The following ATAD3B variants were observed in gnomAD, a reference collection of about 807,000 sequenced individuals.
ATAD3B encodes ATPase family AAA domain containing 3B.
In ATAD3B, 59 loss-of-function variants were observed where a neutral mutation model predicts 70.2. That is an observed-to-expected ratio of 0.84 (90% confidence interval 0.68 to 1.04). ATAD3B has a LOEUF of 1.04. ATAD3B is among the 50% of genes least tolerant of loss of function. The pLI, the probability that ATAD3B is intolerant of heterozygous loss-of-function variation, is 0.00. For synonymous variants in ATAD3B, 423 were observed against 388.6 expected (o/e 1.09, Z -1.04); for missense variants, 961 against 913.4 (o/e 1.05, Z -0.67).
At chr1:1,479,597 C>A (rs1639792266) in intron 4 of ATAD3B, among the ~76,000 whole-genome samples, 1 of 144,798 alleles carries the variant, frequency 6.9e-6, no homozygotes, top group African/African-American at 2.6e-5. Context: ...TGCACACAGG[C>A]CTGCACATAC....
At chr1:1,507,940 G>A in the ATAD3B span, among the ~76,000 whole-genome samples, 109 of 152,338 alleles carry the variant, frequency 7.2e-4, 3 homozygotes, top group South Asian at 0.022. Context: ...CCGCGACTGG[G>A]TCTTGCCCCA....
In ATAD3B at chr1:1,478,633, G is replaced by A. The variant is rs552248797; in HGVS notation, c.283-11G>A. On this transcript the variant is annotated splice_polypyrimidine_tract_variant and intron_variant, in intron 2 of 15. Coordinates refer to ENST00000673477, the MANE Select transcript of ATAD3B (RefSeq NM_031921.6). ...GAGCAAGTGCCAGCTGGTGAGTGCT[G>A]TGCTCTGCAGGAGTATGAGGCCGCC... 1.9e-6 allele frequency: 3 copies of A among 1,548,692 alleles called. No homozygotes were observed. Among genetic ancestry groups the A allele is most frequent in the South Asian group, 2.4e-5 (2 of 83,924 alleles).
chr1:1,504,716 G>A, the ATAD3B span, among the ~76,000 whole-genome samples: 1 of 152,062 alleles, frequency 6.6e-6, no homozygotes, highest in African/African-American at 2.4e-5. Context: ...AACCACTGGG[G>A]CGTGTGTGCC....
chr1:1,482,393 C>G (rs1639964670), intron 6 of ATAD3B, 90 bp downstream of exon 6: 11 of 1,582,826 alleles, frequency 6.9e-6, no homozygotes, highest in Non-Finnish European at 8.6e-7. Context: ...TCTTCCAGGC[C>G]TGGCCGCCAT....
chr1:1,508,506 G>T, the ATAD3B span, among the ~76,000 whole-genome samples: 1 of 151,508 alleles, frequency 6.6e-6, no homozygotes, highest in South Asian at 2.1e-4. Context: ...AGGCGTCCTG[G>T]TGCCCTCCTG....
chr1:1,474,131 C>A (rs949878760), intron 1 of ATAD3B, among the ~76,000 whole-genome samples: 1 of 151,910 alleles, frequency 6.6e-6, no homozygotes, highest in Admixed American at 6.6e-5. Flanking sequence ...GCCGTCCAAC[C>A]GTCTCAGCCT....
Position 1,496,263 on chromosome 1 carries a change from C to T in ATAD3B, c.*446C>T, listed in dbSNP as rs1443390917. 2.0e-6 allele frequency: 2 copies of T among 991,228 alleles called. No homozygotes were observed. Among genetic ancestry groups the T allele is most frequent in the South Asian group, 4.7e-5 (1 of 21,496 alleles). The allele number at this position is 991,228 out of a possible 1,614,324, so 61.4% of individuals were successfully genotyped here. ...GTTTCAGGGGCGCCCTAGCGTCCTC[C>T]TGGGGTCAAAGGTGACATAAGAGGC... On this transcript the variant is annotated 3_prime_UTR_variant, in exon 16 of 16. Transcript: ENST00000673477.
At position 1,483,006 on chromosome 1, in the gene ATAD3B, A is replaced by G. The variant is rs1372364526; in HGVS notation, c.750+392A>G. 6 of 460,586 alleles carry G rather than the reference A, an allele frequency of 1.3e-5. No individual in the cohort carries two copies. The East Asian group carries it at 4.0e-4, about 31-fold the overall frequency. 28.5% of individuals were successfully genotyped at this position (460,586 alleles called of 1,614,324 possible). On this transcript the variant is annotated intron_variant, in intron 7 of 15. Coordinates refer to ENST00000673477, the MANE Select transcript of ATAD3B (RefSeq NM_031921.6). Reference sequence around the variant, plus strand: ...AGAGAATAAGACCTTGTCTCAAGAAAAAAATGGCCAGGCGGTAGTGGCTCA... The same window carrying G: ...AGAGAATAAGACCTTGTCTCAAGAAGAAAATGGCCAGGCGGTAGTGGCTCA...
rs778410435 is a variant in ATAD3B, at chr1:1,482,212, G to A, written c.589G>A (p.Ala197Thr). 62 of 1,611,024 alleles carry A rather than the reference G, an allele frequency of 3.8e-5. 1 individual carries two copies. The highest frequency in any genetic ancestry group is 3.6e-4 in the Middle Eastern group (2 of 5,564). The change falls in exon 6 of 16, where the codon GCC becomes ACC. Residue 197 changes from alanine to threonine, a missense_variant. This residue lies in a region of ATAD3B where 349 missense variants were observed against 307.5 expected (regional missense o/e 1.14). Coordinates refer to ENST00000673477, the MANE Select transcript of ATAD3B (RefSeq NM_031921.6). ...AGTGGAGACCGAGGCCCGGGCGCGC[G>A]CCAAGGCCGAGCGGGAGAATGCAGA... is the stretch of plus-strand genomic sequence containing the variant. ...LRVETEARARAKAERENADII... is the reference protein window; with the variant it reads ...LRVETEARARTKAERENADII...
At chr1:1,489,178 C>T (rs202171888) in intron 12 of ATAD3B, 26 bp from the exon 13 acceptor site, 1 of 1,613,180 alleles carries the variant, frequency 6.2e-7, no homozygotes, top group Non-Finnish European at 8.5e-7. Flanking sequence ...CTTCTGGTGC[C>T]TAAGGCTGGA....
chr1:1,495,279 A>G (rs1640723251), intron 15 of ATAD3B, among the ~76,000 whole-genome samples: 1 of 151,964 alleles, frequency 6.6e-6, no homozygotes, highest in Admixed American at 6.6e-5. Flanking sequence ...AGTGCTGAGG[A>G]CGCAGGCAGG....
At position 1,480,792 on chromosome 1, in the gene ATAD3B, A is replaced by G. The variant is rs1445478008; in HGVS notation, c.445-75A>G. On this transcript the variant is annotated intron_variant, in intron 4 of 15. Coordinates refer to ENST00000673477, the MANE Select transcript of ATAD3B (RefSeq NM_031921.6). ...TTGGAGTTCTGTGGTCCTGGGGCGGACGCAACCTCTGGATTGGTGTTGAGC... is the reference window on the plus strand; with the variant it reads ...TTGGAGTTCTGTGGTCCTGGGGCGGGCGCAACCTCTGGATTGGTGTTGAGC... 2.5e-6 allele frequency: 4 copies of G among 1,585,482 alleles called. No individual in the cohort carries two copies. In the East Asian group the frequency reaches 9.4e-5, roughly 37 times the overall value.
chr1:1,487,753 C>G, intron 11 of ATAD3B, 110 bp from the exon 12 acceptor site: 1 of 1,373,424 alleles, frequency 7.3e-7, no homozygotes, highest in Non-Finnish European at 1.0e-6. Flanking sequence ...GGGGCAGAGC[C>G]TGACCCCGTG....
intron 15 of ATAD3B, among the ~76,000 whole-genome samples, chr1:1,491,230 T>C (rs1640525895): frequency 6.6e-6 from 1 of 152,018 alleles, no homozygotes; most frequent in South Asian, 2.1e-4. Flanking sequence ...AGTGTGGGCA[T>C]GGCCATCCAG....
Position 1,477,501 on chromosome 1 carries a change from G to C in ATAD3B, c.282+151G>C, listed in dbSNP as rs181067273. ...GAGCTTGGGCGCCTCATTTCACAGAGGGAAACAAGGGGAGGTGAGAGACGC... is the reference window on the plus strand; with the variant it reads ...GAGCTTGGGCGCCTCATTTCACAGACGGAAACAAGGGGAGGTGAGAGACGC... On this transcript the variant is annotated intron_variant, in intron 2 of 15. Transcript: ENST00000673477. 1.3e-4 allele frequency: 181 copies of C among 1,350,726 alleles called. 3 individuals carry two copies. In the African/African-American group the frequency reaches 2.5e-3, roughly 19 times the overall value. 83.7% of individuals were successfully genotyped at this position (1,350,726 alleles called of 1,614,324 possible).
rs1305774671 is a variant in ATAD3B at position 1,471,789 on chromosome 1, C to T, written c.-96C>T. The T allele has an allele frequency of 2.5e-6, 3 of 1,217,844 alleles. No individual in the cohort carries two copies. Among genetic ancestry groups the T allele is most frequent in the Non-Finnish European group, 3.1e-6 (3 of 977,130 alleles). The allele number at this position is 1,217,844 out of a possible 1,614,324, so 75.4% of individuals were successfully genotyped here. ...TGTTTCGCCTGCGCAGTGGTCCTGG[C>T]CACCGGCTCGCGGCGCGTGGAGGCT... On this transcript the variant is annotated 5_prime_UTR_variant, in exon 1 of 16. Coordinates refer to ENST00000673477, the MANE Select transcript of ATAD3B (RefSeq NM_031921.6).
At chr1:1,499,920 A>C (rs1263902487), downstream of ATAD3B, among the ~76,000 whole-genome samples, 1 of 134,660 alleles carries the variant, frequency 7.4e-6, no homozygotes, top group African/African-American at 2.8e-5. Context: ...TTTGAGACAG[A>C]GTCTTGCTCT....
At chr1:1,494,582 AG>A (rs1290538756) in intron 15 of ATAD3B, among the ~76,000 whole-genome samples, 1 of 151,530 alleles carries the variant, frequency 6.6e-6, no homozygotes, top group Non-Finnish European at 1.5e-5. Context: ...GCTCTTGGCG[AG>A]GGGTGGGCGC....
intron 15 of ATAD3B, among the ~76,000 whole-genome samples, chr1:1,491,059 C>T (rs920367337): frequency 3.3e-5 from 5 of 151,928 alleles, no homozygotes; most frequent in East Asian, 1.9e-4. Flanking sequence ...GGTGGAGGGA[C>T]GTTGTGTTTC....
Sources: gnomAD v4.1 joint callset for allele counts (sites outside exome capture counted in the v4.1 genomes callset) on GRCh38, gnomAD v4.1.1 for gene constraint, gnomAD v4.1.1 regional missense constraint, MANE v1.5 for transcripts, NCBI Gene and HGNC (gene_info 2026-07-23, HGNC 2026-07-21) for gene names.